Variants in ABCA8 observed in about 807,000 individuals in gnomAD.
ABCA8 encodes the protein ATP binding cassette subfamily A member 8, also known as ABC-type organic anion transporter ABCA8.
A neutral mutation model predicts 192.3 loss-of-function variants in ABCA8; 177 were observed. The observed-to-expected ratio is 0.92, with a 90% CI of 0.81 to 1.04. ABCA8 has a LOEUF of 1.04. Ranked by LOEUF, ABCA8 falls within the 50% of genes least tolerant of loss-of-function variation. ABCA8 has a pLI of 0.00. For synonymous variants in ABCA8, 642 were observed against 690.2 expected, an observed-to-expected ratio of 0.93 and a Z score of 1.09; for missense variants, 1,915 against 1,904.8, an observed-to-expected ratio of 1.01 and a Z score of -0.10.
intron 2 of ABCA8, among the ~76,000 whole-genome samples, chr17:68,948,088 TG>T (rs2068463665): frequency 6.6e-6 from 1 of 152,240 alleles, no homozygotes; most frequent in Non-Finnish European, 1.5e-5. Context: ...TTCTTTTTCA[TG>T]GCTGCATAGT....
At chr17:68,882,316 C>T (rs2066355409) in intron 30 of ABCA8, among the ~76,000 whole-genome samples, 1 of 152,218 alleles carries the variant, frequency 6.6e-6, no homozygotes, top group Non-Finnish European at 1.5e-5. Context: ...GGACCTGACC[C>T]TGAATTTGTA....
intron 23 of ABCA8, among the ~76,000 whole-genome samples, chr17:68,893,718 T>A (rs1295781371): frequency 5.5e-5 from 5 of 91,638 alleles, no homozygotes; most frequent in Admixed American, 1.4e-4. Context: ...TGCTTCATAT[T>A]CTCTTTTTTT....
intron 21 of ABCA8, among the ~76,000 whole-genome samples, chr17:68,895,258 G>A (rs2066719157): frequency 1.3e-5 from 2 of 151,944 alleles, no homozygotes; most frequent in Non-Finnish European, 2.9e-5. Flanking sequence ...ATAGATTTTA[G>A]AATCTTGCAA....
intron 28 of ABCA8, 38 bp downstream of exon 28, chr17:68,884,293 T>C (rs1259547305): frequency 1.3e-6 from 2 of 1,509,260 alleles, no homozygotes; most frequent in Non-Finnish European, 1.8e-6. Context: ...TTAAATTTAG[T>C]AAAAAGTGAT....
At chr17:68,931,746 A>T (rs2067883101) in intron 7 of ABCA8, 1 of 149,288 alleles carries the variant, frequency 6.7e-6, no homozygotes, top group Admixed American at 6.7e-5. Context: ...AATTTCCAGA[A>T]GCAAAATACA....
chr17:68,908,901 G>C lies in ABCA8; in HGVS notation c.2139-1022C>G, dbSNP rs1360255554. Reference sequence around the variant, plus strand: ...ATTCGAACAATGGAATAATAGTGAAGTTTGCACTTGACAAGCCCTTAAAAA... The same window carrying C: ...ATTCGAACAATGGAATAATAGTGAACTTTGCACTTGACAAGCCCTTAAAAA... On this transcript the variant is annotated intron_variant, in intron 17 of 39. Coordinates refer to ENST00000586539, the MANE Select transcript of ABCA8 (RefSeq NM_001288985.2). 2.0e-5 allele frequency among the ~76,000 whole-genome samples: 3 copies of C among 152,158 alleles called. No individual in the cohort carries two copies. In the East Asian group the frequency reaches 5.8e-4, roughly 29 times the overall value.
At chr17:68,924,587 G>T in intron 11 of ABCA8, 114 bp downstream of exon 11, 1 of 1,144,274 alleles carries the variant, frequency 8.7e-7, no homozygotes, top group Non-Finnish European at 1.2e-6. Context: ...AAGCAGCATA[G>T]GTGAGGACAG....
intron 5 of ABCA8, among the ~76,000 whole-genome samples, chr17:68,936,576 T>C (rs984164314): frequency 5.9e-5 from 9 of 152,230 alleles, no homozygotes; most frequent in African/African-American, 1.9e-4. Flanking sequence ...TTAGTTACTA[T>C]AGCCTTGTAG....
intron 21 of ABCA8, among the ~76,000 whole-genome samples, chr17:68,901,084 G>T (rs532590020): frequency 6.6e-6 from 1 of 152,162 alleles, no homozygotes. Context: ...GTGTTATTTT[G>T]TTCAATCTCA....
rs753318906 is a variant in ABCA8 at position 68,876,724 on chromosome 17, G to A, written c.4200-21C>T. The A allele has an allele frequency of 4.7e-5, 76 of 1,613,708 alleles. No individual in the cohort carries two copies. In the Middle Eastern group the frequency reaches 1.2e-3, roughly 24 times the overall value. Reference sequence around the variant, plus strand: ...CTAACCTGAAGGAAACAGGAGAGTCGTACAGTCTTCTTGACAAGAGGAAAT... The same window carrying A: ...CTAACCTGAAGGAAACAGGAGAGTCATACAGTCTTCTTGACAAGAGGAAAT... On this transcript the variant is annotated intron_variant, in intron 33 of 39. Coordinates refer to ENST00000586539, the MANE Select transcript of ABCA8 (RefSeq NM_001288985.2).
At chr17:68,954,728 G>T (rs1467559524) in intron 1 of ABCA8, among the ~76,000 whole-genome samples, 1 of 152,276 alleles carries the variant, frequency 6.6e-6, no homozygotes, top group Middle Eastern at 3.4e-3. Context: ...AATTCTTATA[G>T]ACTAAGAGTG....
intron 37 of ABCA8, among the ~76,000 whole-genome samples, chr17:68,870,752 C>T (rs965288828): frequency 3.3e-5 from 5 of 152,180 alleles, no homozygotes; most frequent in African/African-American, 1.2e-4. Flanking sequence ...TCTCAGTGAA[C>T]ACTTAGACTG....
chr17:68,887,254 T>G, intron 25 of ABCA8, 82 bp downstream of exon 25: 1 of 1,375,250 alleles, frequency 7.3e-7, no homozygotes, highest in Non-Finnish European at 9.9e-7. Flanking sequence ...ATATAAATAT[T>G]GATAGAAATG....
At chr17:68,930,185 C>T (rs1253052860) in intron 7 of ABCA8, among the ~76,000 whole-genome samples, 1 of 152,050 alleles carries the variant, frequency 6.6e-6, no homozygotes, top group Non-Finnish European at 1.5e-5. Flanking sequence ...CAGGGTAGCC[C>T]CTCAGTGAAC....
At chr17:68,899,966 G>A (rs991789010) in intron 21 of ABCA8, among the ~76,000 whole-genome samples, 3 of 152,108 alleles carry the variant, frequency 2.0e-5, no homozygotes, top group Admixed American at 6.5e-5. Context: ...TTAGAGGGAC[G>A]TTTATAGCTG....
intron 26 of ABCA8, 33 bp downstream of exon 26, chr17:68,886,984 T>G (rs1448764179): frequency 6.9e-7 from 1 of 1,440,222 alleles, no homozygotes; most frequent in Non-Finnish European, 9.7e-7. Context: ...ATATCAAATA[T>G]ATACAGTATA....
chr17:68,940,852 T>A lies in ABCA8; in HGVS notation c.207A>T (p.Thr69=). 6.2e-7 allele frequency: 1 copy of A among 1,613,494 alleles called. No homozygotes were observed. The highest frequency in any genetic ancestry group is 1.1e-5 in the South Asian group (1 of 91,058). ...CAACAGAAAATCTGGATTCATTAAA[T>A]GTATCTACCCGTCCCAGGTCCATGG... ...LLTMDLGRVD[T]FNESRFSVVY... is the part of the protein sequence containing the mutation. The change falls in exon 4 of 40, where the codon ACA becomes ACT. Residue 69 remains threonine, a synonymous_variant. Transcript: ENST00000586539.
At chr17:68,943,593 T>A (rs1450905178) in intron 2 of ABCA8, among the ~76,000 whole-genome samples, 2 of 152,222 alleles carry the variant, frequency 1.3e-5, no homozygotes, top group African/African-American at 4.8e-5. Flanking sequence ...TTCTTGGGTC[T>A]ATCAAAGAGC....
intron 18 of ABCA8, 71 bp downstream of exon 18, chr17:68,907,669 G>A (rs1472050186): frequency 5.3e-6 from 7 of 1,328,224 alleles, no homozygotes; most frequent in Non-Finnish European, 7.0e-6. Flanking sequence ...AATGTTAGTT[G>A]TAATGATAAT....
Sources: allele counts gnomAD v4.1 joint callset (sites outside exome capture counted in the v4.1 genomes callset), GRCh38; gene constraint gnomAD v4.1.1; transcripts MANE v1.5; gene names NCBI Gene and HGNC (gene_info 2026-07-23, HGNC 2026-07-21).